Variants in LHFPL3 observed in about 807,000 individuals in gnomAD.
The protein encoded by LHFPL3 is LHFPL tetraspan subfamily member 3.
Under a neutral mutation model 19.3 loss-of-function variants are expected in LHFPL3, and 5 were observed. The ratio of observed to expected loss-of-function variants is 0.26; its 90% CI spans 0.14 to 0.54. The LOEUF (loss-of-function observed/expected upper bound fraction) is 0.54, where lower values mean the gene tolerates loss of function less well. LHFPL3 is among the 20% of genes least tolerant of loss of function. LHFPL3 has a pLI of 0.94. For missense variants in LHFPL3, 249 were observed against 307.4 expected, an observed-to-expected ratio of 0.81 and a Z score of 1.42; for synonymous variants, 133 against 126.2, an observed-to-expected ratio of 1.05 and a Z score of -0.36.
At chr7:104,678,040 C>T (rs1792625211) in intron 1 of LHFPL3, among the ~76,000 whole-genome samples, 2 of 152,210 alleles carry the variant, frequency 1.3e-5, no homozygotes, top group South Asian at 4.1e-4. Context: ...CTGAGACAAT[C>T]AGCCCCACTG....
intron 1 of LHFPL3, among the ~76,000 whole-genome samples, chr7:104,398,875 T>C (rs1791251955): frequency 6.6e-6 from 1 of 152,132 alleles, no homozygotes; most frequent in African/African-American, 2.4e-5. Flanking sequence ...CCTTAGAAGC[T>C]ACGTGTCCCC....
chr7:104,397,217 G>A (rs1791208175), intron 1 of LHFPL3, among the ~76,000 whole-genome samples: 1 of 151,966 alleles, frequency 6.6e-6, no homozygotes, highest in Admixed American at 6.6e-5. Flanking sequence ...TTATATGAAT[G>A]CCATTAAAGT....
chr7:104,406,919 CTT>C (rs569247393), intron 1 of LHFPL3, among the ~76,000 whole-genome samples: 1 of 152,184 alleles, frequency 6.6e-6, no homozygotes, highest in Non-Finnish European at 1.5e-5. Context: ...TAACTTATCT[CTT>C]TGGTCATGAG....
intron 1 of LHFPL3, among the ~76,000 whole-genome samples, chr7:104,717,732 A>G (rs1006318426): frequency 1.3e-5 from 2 of 152,222 alleles, no homozygotes; most frequent in African/African-American, 4.8e-5. Flanking sequence ...GCCACTATGA[A>G]AAACTATATG....
intron 2 of LHFPL3, among the ~76,000 whole-genome samples, chr7:104,889,073 T>A (rs1792199638): frequency 6.6e-6 from 1 of 152,160 alleles, no homozygotes; most frequent in Non-Finnish European, 1.5e-5. Flanking sequence ...TTGTTTAAAA[T>A]CAAAATTGGG....
intron 1 of LHFPL3, among the ~76,000 whole-genome samples, chr7:104,382,789 G>C (rs950363421): frequency 3.9e-5 from 6 of 152,190 alleles, no homozygotes; most frequent in Non-Finnish European, 5.9e-5. Flanking sequence ...ACATGGCTGG[G>C]CTTTAAAGCC....
At chr7:104,514,096 C>G (rs1433116331) in intron 1 of LHFPL3, among the ~76,000 whole-genome samples, 1 of 152,074 alleles carries the variant, frequency 6.6e-6, no homozygotes, top group African/African-American at 2.4e-5. Context: ...CCTCCCTGGC[C>G]GTTTTTCAGC....
intron 1 of LHFPL3, among the ~76,000 whole-genome samples, chr7:104,405,325 T>A (rs541270532): frequency 2.8e-4 from 42 of 152,346 alleles, no homozygotes; most frequent in Admixed American, 3.9e-4. Flanking sequence ...CCTGCTTTTT[T>A]ACTTACTAAA....
intron 1 of LHFPL3, among the ~76,000 whole-genome samples, chr7:104,398,064 T>C (rs1199484377): frequency 6.6e-6 from 1 of 152,024 alleles, no homozygotes; most frequent in East Asian, 1.9e-4. Flanking sequence ...ATTTAACTTT[T>C]TTTTTTTTTT....
chr7:104,663,696 T>G (rs1792274195), intron 1 of LHFPL3, among the ~76,000 whole-genome samples: 1 of 152,190 alleles, frequency 6.6e-6, no homozygotes, highest in South Asian at 2.1e-4. Context: ...ACTACATATC[T>G]TATGCAGAAA....
At chr7:104,499,934 A>G (rs1480845073) in intron 1 of LHFPL3, among the ~76,000 whole-genome samples, 1 of 152,236 alleles carries the variant, frequency 6.6e-6, no homozygotes, top group Admixed American at 6.5e-5. Flanking sequence ...GCAGATTAAA[A>G]AGATGTTTTA....
At chr7:104,343,870 AT>A (rs1790011335) in intron 1 of LHFPL3, among the ~76,000 whole-genome samples, 1 of 151,648 alleles carries the variant, frequency 6.6e-6, no homozygotes, top group South Asian at 2.1e-4. Flanking sequence ...ATTATCTTAT[AT>A]TTTCTTATAG....
chr7:104,426,833 A>C (rs1791857056), intron 1 of LHFPL3, among the ~76,000 whole-genome samples: 2 of 152,108 alleles, frequency 1.3e-5, no homozygotes, highest in South Asian at 2.1e-4. Flanking sequence ...TAATTTCTAC[A>C]CTGCTTTATA....
At chr7:104,515,853 G>A (rs1033418048) in intron 1 of LHFPL3, among the ~76,000 whole-genome samples, 3 of 152,090 alleles carry the variant, frequency 2.0e-5, no homozygotes, top group Non-Finnish European at 2.9e-5. Flanking sequence ...GTTCAAGGAT[G>A]AAGAGTTCTT....
chr7:104,461,680 A>G (rs1420887496), intron 1 of LHFPL3, among the ~76,000 whole-genome samples: 1 of 152,074 alleles, frequency 6.6e-6, no homozygotes, highest in African/African-American at 2.4e-5. Context: ...GCCCTGGAGT[A>G]TAGTTTGAAG....
At chr7:104,398,612 C>A (rs1791242860) in intron 1 of LHFPL3, among the ~76,000 whole-genome samples, 1 of 152,162 alleles carries the variant, frequency 6.6e-6, no homozygotes, top group Non-Finnish European at 1.5e-5. Context: ...CATTTCTTAT[C>A]CTATTTTTCA....
chr7:104,358,697 T>G lies in LHFPL3; in HGVS notation c.445+29473T>G, dbSNP rs147067985. 4.8e-3 allele frequency among the ~76,000 whole-genome samples: 730 copies of G among 152,326 alleles called. 4 individuals carry two copies. Among genetic ancestry groups the G allele is most frequent in the Non-Finnish European group, 8.5e-3 (581 of 68,024 alleles). On this transcript the variant is annotated intron_variant, in intron 1 of 2. Coordinates refer to ENST00000424859, the MANE Select transcript of LHFPL3 (RefSeq NM_199000.3). ...AAGCTTTTGTTTAGAGCATGCTGAT[T>G]GGGAAGATGATCATAAATCTCTGGC...
intron 1 of LHFPL3, among the ~76,000 whole-genome samples, chr7:104,617,519 A>G (rs1791369062): frequency 1.3e-5 from 2 of 152,328 alleles, no homozygotes; most frequent in African/African-American, 4.8e-5. Flanking sequence ...GATGACTTAT[A>G]TTTACATAAT....
intron 1 of LHFPL3, among the ~76,000 whole-genome samples, chr7:104,673,427 T>C (rs1286012063): frequency 6.6e-6 from 1 of 152,252 alleles, no homozygotes; most frequent in Non-Finnish European, 1.5e-5. Context: ...TTATAATGGC[T>C]AGTGCATGAT....
Sources: allele counts gnomAD v4.1 joint callset (sites outside exome capture counted in the v4.1 genomes callset), GRCh38; gene constraint gnomAD v4.1.1; transcripts MANE v1.5; gene names NCBI Gene and HGNC (gene_info 2026-07-23, HGNC 2026-07-21).